The following GSE1 variants were observed in gnomAD, a reference collection of about 807,000 sequenced individuals.
GSE1 encodes the protein genetic suppressor element 1.
A neutral mutation model predicts 112.6 loss-of-function variants in GSE1; 32 were observed. The observed-to-expected ratio is 0.28, with a 90% CI of 0.21 to 0.38. The LOEUF is 0.38. Among genes scored for constraint, GSE1 ranks in the 10% least tolerant of loss-of-function variants. The pLI, the probability that GSE1 is intolerant of heterozygous loss-of-function variation, is 1.00. For missense variants in GSE1, 2,348 were observed against 1,699.2 expected, an observed-to-expected ratio of 1.38 and a Z score of -6.71; for synonymous variants, 1,115 against 735.6, an observed-to-expected ratio of 1.52 and a Z score of -8.35.
intron 1 of GSE1, among the ~76,000 whole-genome samples, chr16:85,615,223 C>T (rs574264604): frequency 7.9e-5 from 12 of 152,332 alleles, no homozygotes; most frequent in African/African-American, 2.9e-4. Flanking sequence ...AGGTGAGGGG[C>T]CCAGGGCGCA....
chr16:85,545,551 T>C (rs1231430928), intron 2 of GSE1, among the ~76,000 whole-genome samples: 3 of 152,218 alleles, frequency 2.0e-5, no homozygotes, highest in Non-Finnish European at 4.4e-5. Context: ...GTCTGAGCAT[T>C]GCTTCTTACT....
intron 2 of GSE1, among the ~76,000 whole-genome samples, chr16:85,475,717 T>G (rs1175486379): frequency 6.6e-6 from 1 of 152,022 alleles, no homozygotes; most frequent in East Asian, 1.9e-4. Context: ...GCATCTTGCT[T>G]GTACTGGGAA....
chr16:85,295,984 C>G (rs2151450116), intron 1 of GSE1, among the ~76,000 whole-genome samples: 1 of 152,272 alleles, frequency 6.6e-6, no homozygotes, highest in South Asian at 2.1e-4. Flanking sequence ...GCACTGCAAT[C>G]CAGCCTTTTG....
At chr16:85,615,899 G>T (rs529719021) in intron 1 of GSE1, among the ~76,000 whole-genome samples, 149 of 152,322 alleles carry the variant, frequency 9.8e-4, no homozygotes, top group African/African-American at 3.5e-3. Context: ...GTAGGAACAA[G>T]GGGCAAACTG....
intron 1 of GSE1, among the ~76,000 whole-genome samples, chr16:85,190,563 T>C (rs1184632762): frequency 6.6e-6 from 1 of 152,248 alleles, no homozygotes; most frequent in African/African-American, 2.4e-5. Flanking sequence ...CTGGGTGAAG[T>C]TGAGTCTAAC....
At chr16:85,181,903 A>G (rs1020778422) in intron 1 of GSE1, among the ~76,000 whole-genome samples, 2 of 152,148 alleles carry the variant, frequency 1.3e-5, no homozygotes, top group Non-Finnish European at 2.9e-5. Context: ...AGCTCTGTGA[A>G]TCTGCAGTCC....
chr16:85,602,446 G>A (rs568420706), intron 1 of GSE1, among the ~76,000 whole-genome samples: 234 of 152,246 alleles, frequency 1.5e-3, no homozygotes, highest in Non-Finnish European at 2.1e-3. Context: ...AGACCCTTGG[G>A]CCCTGGCCGC....
At chr16:85,344,782 C>A (rs886702185) in intron 1 of GSE1, among the ~76,000 whole-genome samples, 1 of 152,156 alleles carries the variant, frequency 6.6e-6, no homozygotes, top group Non-Finnish European at 1.5e-5. Context: ...TGCCCTCAGC[C>A]CCAGCAGGAT....
rs141558863 is a variant in GSE1 at position 85,471,900 on chromosome 16, C to G, written c.2464+114257C>G. 2.0e-5 allele frequency among the ~76,000 whole-genome samples: 3 copies of G among 152,330 alleles called. No individual in the cohort carries two copies. In the East Asian group the frequency reaches 5.8e-4, roughly 29 times the overall value. On this transcript the variant is annotated intron_variant, in intron 2 of 2. Transcript: ENST00000637419. ...TAAGCCCACATTTGTTAAGTGCCCA[C>G]TTGTGGCTGGCACCTGTGGTGGCCC...
chr16:85,656,749 C>A, intron 7 of GSE1, 84 bp downstream of exon 7: 2 of 1,432,322 alleles, frequency 1.4e-6, no homozygotes, highest in Non-Finnish European at 1.8e-6. Context: ...CTGCCGGTTG[C>A]CGTGGTGTAA....
At chr16:85,393,476 AGCAC>A (rs1384921789) in intron 2 of GSE1, among the ~76,000 whole-genome samples, 1 of 152,212 alleles carries the variant, frequency 6.6e-6, no homozygotes, top group African/African-American at 2.4e-5. Context: ...CACAGTACCC[AGCAC>A]ACAGTAGGTG....
At chr16:85,488,509 G>A (rs2050911015) in intron 2 of GSE1, among the ~76,000 whole-genome samples, 1 of 151,910 alleles carries the variant, frequency 6.6e-6, no homozygotes, top group South Asian at 2.1e-4. Flanking sequence ...GCAGGTCCAA[G>A]CTCCCTGTTC....
Position 85,344,581 on chromosome 16 carries a change from G to A in GSE1, c.2284-12882G>A, listed in dbSNP as rs369070581. 1.2e-4 allele frequency among the ~76,000 whole-genome samples: 19 copies of A among 152,356 alleles called. No individual in the cohort carries two copies. In the East Asian group the frequency reaches 2.9e-3, roughly 23 times the overall value. ...CCGTTTATCCTTCAGTGCCCTTGGC[G>A]GGCCAGGCCCTGTCCCAGAGCTTCA... On this transcript the variant is annotated intron_variant, in intron 1 of 2. Transcript: ENST00000637419.
chr16:85,614,167 T>C lies in GSE1; in HGVS notation c.7+769T>C, dbSNP rs562075470. Among the ~76,000 whole-genome samples, 554 of 130,424 alleles carry C rather than the reference T, an allele frequency of 4.2e-3. 3 individuals are homozygous for C. Among genetic ancestry groups the C allele is most frequent in the Non-Finnish European group, 6.5e-3 (403 of 62,408 alleles). 85.6% of individuals were successfully genotyped at this position (130,424 alleles called of 152,430 possible). ...CACATCCGCCGCCCCCCACCCGCAC[T>C]GGCCTTTTTCCCTCCCCGGCCCTTC... On this transcript the variant is annotated intron_variant, in intron 1 of 15. Transcript: ENST00000253458.
chr16:85,469,052 C>G (rs1045797444), intron 2 of GSE1, among the ~76,000 whole-genome samples: 4 of 152,152 alleles, frequency 2.6e-5, no homozygotes, highest in African/African-American at 9.6e-5. Context: ...GTCAGGAGTT[C>G]AAGACCAGCC....
intron 1 of GSE1, among the ~76,000 whole-genome samples, chr16:85,582,403 G>A (rs964627035): frequency 6.6e-6 from 1 of 152,232 alleles, no homozygotes. Context: ...GGGTTCCTGG[G>A]AATGCTAAGT....
intron 1 of GSE1, among the ~76,000 whole-genome samples, chr16:85,614,335 T>C (rs2048227497): frequency 6.6e-6 from 1 of 151,768 alleles, no homozygotes; most frequent in Non-Finnish European, 1.5e-5. Context: ...CCCGCCCGCC[T>C]CTCTAGCAGG....
chr16:85,630,704 A>G (rs949517742), intron 1 of GSE1, among the ~76,000 whole-genome samples: 2 of 152,170 alleles, frequency 1.3e-5, no homozygotes, highest in Non-Finnish European at 2.9e-5. Flanking sequence ...ATCGGGTGCC[A>G]TGGTTGGGCC....
At chr16:85,651,216 G>A (rs574811720) in intron 3 of GSE1, among the ~76,000 whole-genome samples, 76 of 151,922 alleles carry the variant, frequency 5.0e-4, no homozygotes, top group Middle Eastern at 3.4e-3. Flanking sequence ...TGCCGCTATC[G>A]GGGTGCCTTT....
Sources: allele counts gnomAD v4.1 joint callset (sites outside exome capture counted in the v4.1 genomes callset), GRCh38; gene constraint gnomAD v4.1.1; transcripts MANE v1.5; gene names NCBI Gene and HGNC (gene_info 2026-07-23, HGNC 2026-07-21).